The following SOX6 variants were observed in gnomAD, a reference collection of about 807,000 sequenced individuals.
The protein encoded by SOX6 is transcription factor SOX-6.
A neutral mutation model predicts 97.8 loss-of-function variants in SOX6; 11 were observed. The observed-to-expected ratio is 0.11, with a 90% CI of 0.07 to 0.19. SOX6 has a LOEUF of 0.19. Among genes scored for constraint, SOX6 ranks in the 10% least tolerant of loss-of-function variants. The probability of loss-of-function intolerance (pLI) is 1.00; values close to 1 mark genes in which losing one functional copy is unlikely to be tolerated. For missense variants in SOX6, 810 were observed against 1,039.5 expected (o/e 0.78, Z 3.04); for synonymous variants, 360 against 371.4 (o/e 0.97, Z 0.35).
chr11:16,130,930 T>C (rs976194714), intron 6 of SOX6, among the ~76,000 whole-genome samples: 2 of 151,948 alleles, frequency 1.3e-5, no homozygotes, highest in Non-Finnish European at 2.9e-5. Context: ...GAAAAAGATG[T>C]CTGGACTCTT....
At chr11:16,414,719 A>C (rs1858892361) in intron 1 of SOX6, among the ~76,000 whole-genome samples, 1 of 152,178 alleles carries the variant, frequency 6.6e-6, no homozygotes, top group Non-Finnish European at 1.5e-5. Flanking sequence ...AGAAGACTAC[A>C]AGTAGCTAGG....
intron 13 of SOX6, among the ~76,000 whole-genome samples, chr11:16,009,926 G>T (rs1854660164): frequency 6.6e-6 from 1 of 151,990 alleles, no homozygotes; most frequent in South Asian, 2.1e-4. Context: ...GAGGGTAGGG[G>T]AATGAGGAAA....
intron 3 of SOX6, among the ~76,000 whole-genome samples, chr11:16,641,521 T>G (rs61883887): frequency 0.16 from 24,760 of 151,546 alleles, 2,601 homozygotes; most frequent in East Asian, 0.32. Context: ...AAGTCTCTCG[T>G]TATTATTGTG....
intron 4 of SOX6, among the ~76,000 whole-genome samples, chr11:16,589,111 T>C (rs1023147503): frequency 6.6e-6 from 1 of 152,166 alleles, no homozygotes; most frequent in Admixed American, 6.6e-5. Context: ...CTGTCCCAGG[T>C]TTCCAGTTAT....
chr11:16,231,714 C>A (rs1852856863), intron 4 of SOX6, among the ~76,000 whole-genome samples: 1 of 146,626 alleles, frequency 6.8e-6, no homozygotes, highest in Non-Finnish European at 1.5e-5. Context: ...CTCTTTAAAC[C>A]AACAAACAAT....
chr11:16,305,791 T>C (rs1855411736), intron 3 of SOX6, among the ~76,000 whole-genome samples: 1 of 152,096 alleles, frequency 6.6e-6, no homozygotes, highest in Non-Finnish European at 1.5e-5. Flanking sequence ...TGGATGAATC[T>C]CCAGGGAAGT....
intron 1 of SOX6, among the ~76,000 whole-genome samples, chr11:16,474,582 T>C (rs1221280008): frequency 2.0e-5 from 3 of 152,178 alleles, no homozygotes; most frequent in Non-Finnish European, 4.4e-5. Context: ...TCTAAGGGAA[T>C]CTTTTTTTCT....
chr11:16,495,723 A>C (rs1860584235), intron 4 of SOX6, among the ~76,000 whole-genome samples: 1 of 152,148 alleles, frequency 6.6e-6, no homozygotes, highest in Admixed American at 6.5e-5. Context: ...CCACCCACTC[A>C]GGCCACCATT....
rs550723372 is a variant in SOX6 at position 16,284,671 on chromosome 11, A to G, written c.445+33775T>C. ...ACTAGGGAATACAGGTACATCACCA[A>G]GCAAATGCAAATGTGTTTTAGAAGA... On this transcript the variant is annotated intron_variant, in intron 3 of 15. Coordinates refer to ENST00000683767, the MANE Select transcript of SOX6 (RefSeq NM_001367873.1). Among the ~76,000 whole-genome samples, 10 of 152,256 alleles carry G rather than the reference A, an allele frequency of 6.6e-5. No individual in the cohort carries two copies. The South Asian group carries it at 2.1e-3, about 32-fold the overall frequency.
At chr11:16,159,611 T>G (rs16932653) in intron 6 of SOX6, among the ~76,000 whole-genome samples, 8,920 of 152,184 alleles carry the variant, frequency 0.059, 655 homozygotes, top group East Asian at 0.37. Context: ...CCTACAGATT[T>G]TAGTAACCTA....
chr11:16,599,785 A>C (rs1848248369), intron 4 of SOX6, among the ~76,000 whole-genome samples: 1 of 152,240 alleles, frequency 6.6e-6, no homozygotes, highest in Non-Finnish European at 1.5e-5. Context: ...AACATCTACA[A>C]TTAACCTCAG....
chr11:16,044,332 G>T (rs1855763516), intron 12 of SOX6, among the ~76,000 whole-genome samples: 1 of 152,072 alleles, frequency 6.6e-6, no homozygotes, highest in Admixed American at 6.6e-5. Flanking sequence ...GAGCTACAAA[G>T]AACAAATTCA....
At chr11:16,706,699 A>C (rs981842768) in intron 3 of SOX6, among the ~76,000 whole-genome samples, 4 of 149,642 alleles carry the variant, frequency 2.7e-5, no homozygotes, top group Non-Finnish European at 1.5e-5. Flanking sequence ...GGAGGGGGAG[A>C]GGAGTTTGAG....
intron 9 of SOX6, among the ~76,000 whole-genome samples, chr11:16,074,376 C>A (rs1414275681): frequency 1.3e-5 from 2 of 151,956 alleles, no homozygotes; most frequent in African/African-American, 4.8e-5. Flanking sequence ...CATACAACTG[C>A]CAAAAATTGA....
chr11:16,104,612 T>C (rs924450406), intron 7 of SOX6, among the ~76,000 whole-genome samples: 2 of 151,378 alleles, frequency 1.3e-5, no homozygotes, highest in Non-Finnish European at 3.0e-5. Flanking sequence ...CACACACACA[T>C]ACACAGGTTG....
At chr11:16,309,942 G>A (rs1377386423) in intron 3 of SOX6, among the ~76,000 whole-genome samples, 3 of 152,026 alleles carry the variant, frequency 2.0e-5, no homozygotes, top group Admixed American at 2.0e-4. Context: ...CCATCAGAAA[G>A]CTGCATCCTC....
chr11:16,413,512 C>CTTT (rs752774148), intron 1 of SOX6, among the ~76,000 whole-genome samples: 5 of 76,238 alleles, frequency 6.6e-5, no homozygotes, highest in South Asian at 5.9e-4. Flanking sequence ...AAGACTTCTA[C>CTTT]TTTTTTTTTT....
At chr11:16,287,298 T>TCTCACACACACA (rs1554953497) in intron 3 of SOX6, among the ~76,000 whole-genome samples, 51 of 123,510 alleles carry the variant, frequency 4.1e-4, no homozygotes, top group African/African-American at 1.6e-3. Context: ...TCTCTCTCTC[T>TCTCACACACACA]CACACACACA....
chr11:16,335,700 TATC>T (rs1856438209), intron 2 of SOX6, among the ~76,000 whole-genome samples: 1 of 152,142 alleles, frequency 6.6e-6, no homozygotes, highest in African/African-American at 2.4e-5. Flanking sequence ...CCTGGATTGT[TATC>T]ATGTAATGAC....
Sources: gnomAD v4.1 joint callset for allele counts (sites outside exome capture counted in the v4.1 genomes callset) on GRCh38, gnomAD v4.1.1 for gene constraint, MANE v1.5 for transcripts, NCBI Gene and HGNC (gene_info 2026-07-23, HGNC 2026-07-21) for gene names.